Variants in SMIM35 observed in about 807,000 individuals in gnomAD.
The protein encoded by SMIM35 is TMPRSS4 antisense RNA 1 (non-protein coding).
rs978736656 is a variant in SMIM35, at chr11:118,086,840, A to G, written c.-83T>C. The G allele has an allele frequency of 2.6e-5, 4 of 152,906 alleles. No individual in the cohort carries two copies. The highest frequency in any genetic ancestry group is 9.7e-5 in the African/African-American group (4 of 41,450). 9.5% of individuals were successfully genotyped at this position (152,906 alleles called of 1,614,324 possible). On this transcript the variant is annotated 5_prime_UTR_variant, in exon 1 of 5. Transcript: ENST00000689828. ...CCTATTCCAGCTGCAAGTGGAGAGG[A>G]CACAGCTGCTTGCCGTTGGTTTTGG...
intron 1 of SMIM35, among the ~76,000 whole-genome samples, chr11:118,066,691 G>T (rs1013467185): frequency 6.6e-6 from 1 of 151,918 alleles, no homozygotes; most frequent in South Asian, 2.1e-4. Context: ...TATCTTAGCC[G>T]GGCATGGTGG....
At chr11:118,045,366 G>C (rs116362657) in intron 1 of SMIM35, among the ~76,000 whole-genome samples, 2 of 86,844 alleles carry the variant, frequency 2.3e-5, no homozygotes, top group African/African-American at 3.6e-5. Flanking sequence ...ACACACTAGA[G>C]AGAGAGAAAG....
chr11:118,073,936 G>A (rs1410115993), intron 1 of SMIM35, among the ~76,000 whole-genome samples: 2 of 152,206 alleles, frequency 1.3e-5, no homozygotes, highest in Non-Finnish European at 2.9e-5. Context: ...TTAAAGTGCT[G>A]CTGACACCTC....
chr11:118,013,027 T>C (rs1034196175), intron 4 of SMIM35, among the ~76,000 whole-genome samples: 1 of 152,136 alleles, frequency 6.6e-6, no homozygotes, highest in Non-Finnish European at 1.5e-5. Context: ...TCTAGATTCC[T>C]CCTGAGGAAT....
At chr11:118,067,915 T>C (rs935511748) in intron 1 of SMIM35, among the ~76,000 whole-genome samples, 7 of 137,770 alleles carry the variant, frequency 5.1e-5, no homozygotes, top group Non-Finnish European at 9.4e-5. Flanking sequence ...ATGAAAAGTT[T>C]AGTTGTTTTC....
intron 1 of SMIM35, among the ~76,000 whole-genome samples, chr11:118,058,807 T>C (rs552539576): frequency 3.3e-5 from 5 of 152,340 alleles, no homozygotes; most frequent in Non-Finnish European, 5.9e-5. Context: ...GAGCTGTCCT[T>C]CTGCAGAACA....
At chr11:118,039,799 C>T (rs1204601199) in intron 1 of SMIM35, among the ~76,000 whole-genome samples, 2 of 151,708 alleles carry the variant, frequency 1.3e-5, no homozygotes, top group Non-Finnish European at 2.9e-5. Flanking sequence ...ATCTGTAATC[C>T]CAGCAATTTG....
intron 1 of SMIM35, chr11:118,025,366 A>C: frequency 2.7e-6 from 1 of 365,012 alleles, no homozygotes. Flanking sequence ...CAGTGACTGA[A>C]CTTTACATTT....
intron 1 of SMIM35, among the ~76,000 whole-genome samples, chr11:118,037,602 C>T (rs906355528): frequency 1.4e-4 from 21 of 152,198 alleles, no homozygotes; most frequent in African/African-American, 3.6e-4. Context: ...CCCCCTCTTT[C>T]GGCGGTTAGC....
intron 1 of SMIM35, among the ~76,000 whole-genome samples, chr11:118,032,523 G>T (rs1048677278): frequency 6.6e-6 from 1 of 152,166 alleles, no homozygotes; most frequent in Non-Finnish European, 1.5e-5. Context: ...GAGGAACTGG[G>T]TGGTGGTAGG....
intron 1 of SMIM35, among the ~76,000 whole-genome samples, chr11:118,054,715 A>G (rs1293956373): frequency 6.6e-6 from 1 of 151,680 alleles, no homozygotes; most frequent in South Asian, 2.1e-4. Context: ...TTGTGTTTTT[A>G]TATGTTTCCA....
At chr11:118,006,782 C>T (rs2058123904) in intron 4 of SMIM35, among the ~76,000 whole-genome samples, 1 of 152,144 alleles carries the variant, frequency 6.6e-6, no homozygotes, top group African/African-American at 2.4e-5. Context: ...TTGTCATCTT[C>T]CTAGCTGAGT....
chr11:118,074,447 G>A (rs1031685205), intron 1 of SMIM35, among the ~76,000 whole-genome samples: 11 of 152,082 alleles, frequency 7.2e-5, no homozygotes, highest in South Asian at 2.1e-4. Context: ...GGCTTCCTCC[G>A]GGAGAATGGG....
At chr11:118,056,591 G>C (rs1322760082) in intron 1 of SMIM35, among the ~76,000 whole-genome samples, 2 of 152,182 alleles carry the variant, frequency 1.3e-5, no homozygotes, top group African/African-American at 4.8e-5. Flanking sequence ...GCTGAATTTG[G>C]GAGATATCAG....
chr11:118,009,184 G>A (rs1289565413), intron 4 of SMIM35, among the ~76,000 whole-genome samples: 2 of 152,224 alleles, frequency 1.3e-5, no homozygotes, highest in South Asian at 2.1e-4. Flanking sequence ...GGAGGACTGG[G>A]CTCCTGAGCG....
In SMIM35 at chr11:118,084,236, A is replaced by G. The variant is rs546521321; in HGVS notation, c.7+2515T>C. Among the ~76,000 whole-genome samples the G allele has an allele frequency of 4.6e-5, 7 of 152,286 alleles. No homozygotes were observed. The South Asian group carries it at 1.5e-3, about 32-fold the overall frequency. The stretch of plus-strand genomic sequence containing the variant: ...TAAAGCCTCAGGCCAATGAGCAAAC[A>G]GGATTCAGACCTAGGCTGCAGGATT... On this transcript the variant is annotated intron_variant, in intron 1 of 4. Transcript: ENST00000689828.
chr11:118,065,701 A>T (rs760071079), intron 1 of SMIM35, among the ~76,000 whole-genome samples: 1 of 152,192 alleles, frequency 6.6e-6, no homozygotes, highest in Non-Finnish European at 1.5e-5. Flanking sequence ...GGAAACCTCT[A>T]GAGGGTATTT....
intron 1 of SMIM35, among the ~76,000 whole-genome samples, chr11:118,017,042 C>T (rs2512152): frequency 0.43 from 65,915 of 151,902 alleles, 16,859 homozygotes; most frequent in African/African-American, 0.72. Context: ...GGGTCTCTCC[C>T]TTCAGTTTTA....
In SMIM35 at chr11:118,012,860, C is replaced by T. The variant is rs568908222; in HGVS notation, c.*33+888G>A. ...ATTGAAGCTATGAGTGGCTTTCTGG[C>T]CCCTGGTCAACCCTACAAGGGCAGG... On this transcript the variant is annotated intron_variant, in intron 4 of 4. Transcript: ENST00000689828. 1.1e-4 allele frequency among the ~76,000 whole-genome samples: 16 copies of T among 152,304 alleles called. 1 individual carries two copies. Among genetic ancestry groups the T allele is most frequent in the African/African-American group, 3.8e-4 (16 of 41,566 alleles).
Sources: allele counts gnomAD v4.1 joint callset (sites outside exome capture counted in the v4.1 genomes callset), GRCh38; gene constraint gnomAD v4.1.1; transcripts MANE v1.5; gene names NCBI Gene and HGNC (gene_info 2026-07-23, HGNC 2026-07-21).